Variants in KCNT1 observed in about 807,000 individuals in gnomAD.
KCNT1 encodes potassium sodium-activated channel subfamily T member 1, also known as potassium channel subfamily T member 1.
Under a neutral mutation model 147.8 loss-of-function variants are expected in KCNT1, and 78 were observed. The observed-to-expected ratio is 0.53, with a 90% CI of 0.44 to 0.64. The LOEUF (loss-of-function observed/expected upper bound fraction) is 0.64. Among genes scored for constraint, KCNT1 ranks in the 30% least tolerant of loss-of-function variants. KCNT1 has a pLI of 0.00. For synonymous variants in KCNT1, 867 were observed against 748.8 expected, an observed-to-expected ratio of 1.16 and a Z score of -2.58; for missense variants, 1,419 against 1,750.3, an observed-to-expected ratio of 0.81 and a Z score of 3.38.
intron 2 of KCNT1, chr9:135,742,857 G>T (rs970798870): frequency 3.9e-5 from 28 of 716,174 alleles, no homozygotes; most frequent in Non-Finnish European, 6.5e-5. Flanking sequence ...GGCAGACAAG[G>T]GCTCTTAGAG....
intron 1 of KCNT1, among the ~76,000 whole-genome samples, chr9:135,706,232 G>A (rs1835249320): frequency 6.6e-6 from 1 of 152,220 alleles, no homozygotes; most frequent in Admixed American, 6.5e-5. Flanking sequence ...ACAAAGCTGT[G>A]TTGGCGTCGG....
At chr9:135,738,148 G>C (rs940238950) in intron 2 of KCNT1, among the ~76,000 whole-genome samples, 1 of 152,210 alleles carries the variant, frequency 6.6e-6, no homozygotes, top group Non-Finnish European at 1.5e-5. Context: ...GTGCAGCATG[G>C]GAGCTGTAGC....
intron 24 of KCNT1, among the ~76,000 whole-genome samples, chr9:135,781,151 A>G (rs2131559015): frequency 6.6e-6 from 1 of 152,344 alleles, no homozygotes; most frequent in Admixed American, 6.5e-5. Flanking sequence ...AGAGCAGTGA[A>G]CAGTCCTGGG....
chr9:135,732,024 A>AGAGAGAGAGAGGGAGAGAGG (rs1554766184), intron 2 of KCNT1, among the ~76,000 whole-genome samples: 1 of 65,084 alleles, frequency 1.5e-5, no homozygotes, highest in Non-Finnish European at 3.2e-5. Flanking sequence ...AGAGAGAGAG[A>AGAGAGAGAGAGGGAGAGAGG]GAGAGAGAGA....
chr9:135,755,239 T>A, intron 6 of KCNT1, 70 bp downstream of exon 6: 1 of 1,398,272 alleles, frequency 7.2e-7, no homozygotes, highest in Non-Finnish European at 9.7e-7. Context: ...CAACCCAGAC[T>A]CAGTAAGTAG....
intron 19 of KCNT1, among the ~76,000 whole-genome samples, chr9:135,773,667 G>C (rs779167259): frequency 6.6e-6 from 1 of 152,280 alleles, no homozygotes; most frequent in African/African-American, 2.4e-5. Context: ...CAGGGCCCGA[G>C]GTCCATCCTC....
At chr9:135,780,578 G>C (rs1351281244) in intron 24 of KCNT1, among the ~76,000 whole-genome samples, 1 of 152,216 alleles carries the variant, frequency 6.6e-6, no homozygotes, top group Non-Finnish European at 1.5e-5. Context: ...AGGTCAACAG[G>C]GGCTTCTGCC....
intron 1 of KCNT1, among the ~76,000 whole-genome samples, chr9:135,712,721 C>T (rs1021080419): frequency 2.0e-5 from 3 of 152,190 alleles, no homozygotes; most frequent in African/African-American, 7.2e-5. Context: ...CCTCAGCCAA[C>T]ACAACAGCCA....
At position 135,783,253 on chromosome 9, in the gene KCNT1, G is replaced by A. The variant is rs560216565; in HGVS notation, c.2842-771G>A. On this transcript the variant is annotated intron_variant, in intron 24 of 30. Transcript: ENST00000371757. ...CTGGAGCATCCGGCAGGTTCACGCC[G>A]TCAGGGTCCTTCTAGGGAGAGGCCA... is the stretch of plus-strand genomic sequence containing the variant. Among the ~76,000 whole-genome samples the A allele has an allele frequency of 1.6e-4, 24 of 152,340 alleles. No homozygotes were observed. In the East Asian group the frequency reaches 2.3e-3, roughly 15 times the overall value.
chr9:135,702,289 G>T lies in KCNT1; in HGVS notation c.31G>T (p.Gly11Trp). The change falls in exon 1 of 31, where the codon GGG becomes TGG. Residue 11 changes from glycine (G) to tryptophan (W), a missense_variant. Transcript: ENST00000371757. ...ACTCCCTGACGGGGCGCGGACCCCG[G>T]GGGGCGTCTGCCGGGAGGCGCGCGG... The part of the protein sequence containing the change: MPLPDGARTP[G>W]GVCREARGGG... 6.2e-7 allele frequency: 1 copy of T among 1,609,338 alleles called. No individual in the cohort carries two copies. The highest frequency in any genetic ancestry group is 8.5e-7 in the Non-Finnish European group (1 of 1,178,148).
At chr9:135,788,041 C>T in intron 29 of KCNT1, 1 of 1,381,002 alleles carries the variant, frequency 7.2e-7, no homozygotes, top group Non-Finnish European at 1.0e-6. Flanking sequence ...CCGCACCTCG[C>T]TTGCTGATAT....
At position 135,753,738 on chromosome 9, in the gene KCNT1, C is replaced by A; in HGVS notation, c.435-199C>A. On this transcript the variant is annotated intron_variant, in intron 4 of 30. Transcript: ENST00000371757. ...CCAGCATTCCTCAGTTAGAGGCCCT[C>A]CTGCAGGATCTCCGCAGTAGGTGGG... is the stretch of plus-strand genomic sequence containing the variant. The A allele has an allele frequency of 3.3e-6, 2 of 613,542 alleles. 1 individual carries two copies. The highest frequency in any genetic ancestry group is 3.8e-5 in the South Asian group (2 of 52,536). 38.0% of individuals were successfully genotyped at this position (613,542 alleles called of 1,614,324 possible).
Position 135,794,736 on chromosome 9 carries a change from C to CT in KCNT1, c.*2576dup, listed in dbSNP as rs1238598913. ...TGCAGCATCTGGAAACTTCTGTGCT[C>CT]TCCTTGGCCTCTGTGTTCTTCATCT... On this transcript the variant is annotated 3_prime_UTR_variant, in exon 31 of 31. Coordinates refer to ENST00000371757, the MANE Select transcript of KCNT1 (RefSeq NM_020822.3). 6.6e-6 allele frequency: 1 copy of CT among 152,190 alleles called. No homozygotes were observed. The highest frequency in any genetic ancestry group is 1.5e-5 in the Non-Finnish European group (1 of 68,062). 9.4% of individuals were successfully genotyped at this position (152,190 alleles called of 1,614,324 possible).
intron 2 of KCNT1, among the ~76,000 whole-genome samples, chr9:135,726,170 C>T (rs921443738): frequency 2.0e-4 from 31 of 151,978 alleles, no homozygotes; most frequent in African/African-American, 6.8e-4. Context: ...GGAGCCAGGG[C>T]GCTGTCTGGG....
chr9:135,760,879 C>A (rs1422956762), intron 11 of KCNT1, among the ~76,000 whole-genome samples: 1 of 152,230 alleles, frequency 6.6e-6, no homozygotes, highest in African/African-American at 2.4e-5. Context: ...GCTGCCCGCT[C>A]CTCTTTGGTC....
chr9:135,760,959 G>A (rs2062404688), intron 11 of KCNT1, among the ~76,000 whole-genome samples: 1 of 152,056 alleles, frequency 6.6e-6, no homozygotes, highest in African/African-American at 2.4e-5. Flanking sequence ...TGGCTTTCCC[G>A]TTACTTCCTG....
intron 29 of KCNT1, among the ~76,000 whole-genome samples, chr9:135,788,797 A>C (rs1308838474): frequency 6.6e-6 from 1 of 152,136 alleles, no homozygotes; most frequent in Non-Finnish European, 1.5e-5. Context: ...CGTTTCCTCC[A>C]AGAACATGCT....
intron 15 of KCNT1, 135 bp downstream of exon 15, chr9:135,769,072 C>A: frequency 1.5e-6 from 1 of 689,050 alleles, no homozygotes; most frequent in South Asian, 1.9e-5. Flanking sequence ...CGTGTGCACA[C>A]GTGGGTGACG....
In KCNT1 at chr9:135,782,325, C is replaced by CT. The variant is rs550347961; in HGVS notation, c.2842-1698dup. 4.6e-5 allele frequency among the ~76,000 whole-genome samples: 7 copies of CT among 152,342 alleles called. No individual in the cohort carries two copies. The East Asian group carries it at 1.3e-3, about 29-fold the overall frequency. On this transcript the variant is annotated intron_variant, in intron 24 of 30. Transcript: ENST00000371757. ...GAGCCCCGGTGTGTGAGAGGAGTCT[C>CT]TCCCCTGAGGCCCACCTCCCCTGCC...
Sources: gnomAD v4.1 joint callset for allele counts (sites outside exome capture counted in the v4.1 genomes callset) on GRCh38, gnomAD v4.1.1 for gene constraint, MANE v1.5 for transcripts, NCBI Gene and HGNC (gene_info 2026-07-23, HGNC 2026-07-21) for gene names.